The following NAALADL2 variants were observed in gnomAD, a reference collection of about 807,000 sequenced individuals.
NAALADL2 encodes the protein inactive N-acetylated-alpha-linked acidic dipeptidase-like protein 2.
NAALADL2 carries 76 observed loss-of-function variants against 87.2 expected under a neutral mutation model. That is an observed-to-expected ratio of 0.87 (90% CI 0.72 to 1.05). The LOEUF is 1.05. Among genes scored for constraint, NAALADL2 ranks in the 50% least tolerant of loss-of-function variants. NAALADL2 has a pLI of 0.00. For missense variants in NAALADL2, 1,089 were observed against 945.8 expected, an observed-to-expected ratio of 1.15 and a Z score of -1.99; for synonymous variants, 354 against 331.0, an observed-to-expected ratio of 1.07 and a Z score of -0.75.
chr3:174,796,220 T>C (rs73881509), intron 3 of NAALADL2, among the ~76,000 whole-genome samples: 1,536 of 152,312 alleles, frequency 0.01, 32 homozygotes, highest in African/African-American at 0.035. Flanking sequence ...AACAACCTTA[T>C]TGGAATATTT....
chr3:175,294,809 T>C (rs1291210099), intron 4 of NAALADL2, among the ~76,000 whole-genome samples: 3 of 152,184 alleles, frequency 2.0e-5, no homozygotes, highest in Non-Finnish European at 4.4e-5. Context: ...CTGTTTTATT[T>C]TCATCTGACA....
chr3:174,717,279 A>T (rs1207429737), intron 2 of NAALADL2, among the ~76,000 whole-genome samples: 3 of 152,130 alleles, frequency 2.0e-5, no homozygotes, highest in Non-Finnish European at 4.4e-5. Flanking sequence ...GAGACTCATT[A>T]TAAAGCTGAG....
intron 1 of NAALADL2, among the ~76,000 whole-genome samples, chr3:174,540,362 G>T (rs1426268802): frequency 9.9e-5 from 15 of 152,030 alleles, no homozygotes. Context: ...TCTCTCTGTT[G>T]GTTTCCTTCT....
chr3:175,318,904 C>T (rs1759490038), intron 4 of NAALADL2, among the ~76,000 whole-genome samples: 2 of 152,138 alleles, frequency 1.3e-5, no homozygotes, highest in Non-Finnish European at 2.9e-5. Flanking sequence ...TTTAGTCTGC[C>T]TTCTTTCATT....
chr3:174,464,350 AAT>A (rs1201833330), intron 1 of NAALADL2, among the ~76,000 whole-genome samples: 1 of 151,272 alleles, frequency 6.6e-6, no homozygotes, highest in Non-Finnish European at 1.5e-5. Flanking sequence ...TTAACTCTGA[AAT>A]GATCATTTTT....
At chr3:175,218,444 T>C (rs1450026972) in intron 2 of NAALADL2, among the ~76,000 whole-genome samples, 1 of 148,810 alleles carries the variant, frequency 6.7e-6, no homozygotes, top group East Asian at 1.9e-4. Context: ...AAAGGAGGTT[T>C]GTTTGTTTTT....
At chr3:174,545,981 TTTCC>T (rs1722695044) in intron 1 of NAALADL2, among the ~76,000 whole-genome samples, 1 of 151,864 alleles carries the variant, frequency 6.6e-6, no homozygotes, top group African/African-American at 2.4e-5. Flanking sequence ...TTCTTCCTGT[TTTCC>T]TTTTTTTCTG....
intron 1 of NAALADL2, among the ~76,000 whole-genome samples, chr3:174,475,253 A>T (rs1488442393): frequency 2.6e-5 from 4 of 151,930 alleles, no homozygotes. Flanking sequence ...GGAAAAGATG[A>T]ACTGACTTGA....
chr3:175,623,108 T>C (rs1726458857), intron 10 of NAALADL2, among the ~76,000 whole-genome samples: 1 of 152,028 alleles, frequency 6.6e-6, no homozygotes, highest in Admixed American at 6.5e-5. Flanking sequence ...AATAGAAATG[T>C]CCCATAGAAA....
intron 3 of NAALADL2, among the ~76,000 whole-genome samples, chr3:174,793,011 T>C (rs1293870825): frequency 6.6e-6 from 1 of 152,138 alleles, no homozygotes; most frequent in Non-Finnish European, 1.5e-5. Context: ...CTACAAAATA[T>C]GTCATAAGCA....
At chr3:175,486,576 C>A (rs1234011688) in intron 9 of NAALADL2, among the ~76,000 whole-genome samples, 2 of 152,082 alleles carry the variant, frequency 1.3e-5, no homozygotes, top group East Asian at 3.9e-4. Context: ...ACTTACACCC[C>A]CAAATCTCTG....
chr3:175,558,506 G>A (rs940454124), intron 9 of NAALADL2, among the ~76,000 whole-genome samples: 1 of 152,116 alleles, frequency 6.6e-6, no homozygotes, highest in Non-Finnish European at 1.5e-5. Flanking sequence ...CCTGTCCAAT[G>A]TCCTGGAGAG....
intron 3 of NAALADL2, among the ~76,000 whole-genome samples, chr3:174,756,673 A>C (rs887782841): frequency 5.9e-5 from 9 of 152,220 alleles, no homozygotes; most frequent in African/African-American, 1.9e-4. Context: ...CTGAGGGAGA[A>C]GCAGCACATA....
At chr3:175,394,037 A>G (rs1769436006) in intron 5 of NAALADL2, among the ~76,000 whole-genome samples, 1 of 152,012 alleles carries the variant, frequency 6.6e-6, no homozygotes, top group South Asian at 2.1e-4. Context: ...AGAAAAATGC[A>G]TTAGGATAGA....
chr3:175,084,506 T>C (rs996297091), intron 1 of NAALADL2, among the ~76,000 whole-genome samples: 1 of 152,192 alleles, frequency 6.6e-6, no homozygotes, highest in African/African-American at 2.4e-5. Context: ...AATTCCTTCT[T>C]TGTAAGTTAT....
intron 2 of NAALADL2, among the ~76,000 whole-genome samples, chr3:174,613,632 G>A (rs1720160434): frequency 6.6e-6 from 1 of 152,194 alleles, no homozygotes; most frequent in South Asian, 2.1e-4. Context: ...GGGCTCTTCA[G>A]TCAGCTTGTA....
In NAALADL2 at chr3:175,141,013, A is replaced by T. The variant is rs551033025; in HGVS notation, c.545+43722A>T. ...CAGTGGGGTTTTAATTGACTATGGG[A>T]TTGTAGAAGGATTTCAAAATATCAT... On this transcript the variant is annotated intron_variant, in intron 2 of 13. Transcript: ENST00000454872. 7.8e-4 allele frequency among the ~76,000 whole-genome samples: 118 copies of T among 152,238 alleles called. 1 individual carries two copies. The highest frequency in any genetic ancestry group is 2.7e-3 in the African/African-American group (113 of 41,566).
chr3:174,837,649 C>T (rs1329982982), intron 3 of NAALADL2, among the ~76,000 whole-genome samples: 1 of 152,122 alleles, frequency 6.6e-6, no homozygotes, highest in East Asian at 1.9e-4. Context: ...CAGAAATTAG[C>T]CAGGTGTGGT....
At chr3:174,530,314 A>G (rs1395784244) in intron 1 of NAALADL2, among the ~76,000 whole-genome samples, 2 of 152,138 alleles carry the variant, frequency 1.3e-5, no homozygotes, top group African/African-American at 4.8e-5. Context: ...CCATCTGAGA[A>G]CACCTTAGCC....
Sources: allele counts gnomAD v4.1 joint callset (sites outside exome capture counted in the v4.1 genomes callset), GRCh38; gene constraint gnomAD v4.1.1; transcripts MANE v1.5; gene names NCBI Gene and HGNC (gene_info 2026-07-23, HGNC 2026-07-21).